Variants in CAMTA1 observed in about 807,000 individuals in gnomAD.
The protein encoded by CAMTA1 is calmodulin-binding transcription activator 1.
A neutral mutation model predicts 170.9 loss-of-function variants in CAMTA1; 27 were observed. That is an observed-to-expected ratio of 0.16 (90% CI 0.12 to 0.22). CAMTA1 has a LOEUF of 0.22. CAMTA1 is among the 10% of genes least tolerant of loss of function. The probability of loss-of-function intolerance (pLI) is 1.00; values close to 1 mark genes in which losing one functional copy is unlikely to be tolerated. For missense variants in CAMTA1, 1,619 were observed against 2,217.2 expected (o/e 0.73, Z 5.42); for synonymous variants, 833 against 891.5 (o/e 0.93, Z 1.17).
intron 5 of CAMTA1, among the ~76,000 whole-genome samples, chr1:7,382,957 C>T (rs2087511799): frequency 6.6e-6 from 1 of 152,164 alleles, no homozygotes; most frequent in African/African-American, 2.4e-5. Context: ...TTTATACAAC[C>T]AGTATCTATT....
intron 4 of CAMTA1, among the ~76,000 whole-genome samples, chr1:7,164,658 G>A (rs1647996601): frequency 6.6e-6 from 1 of 152,240 alleles, no homozygotes; most frequent in African/African-American, 2.4e-5. Context: ...TTGAAAGCCA[G>A]GGAGAAACAG....
chr1:7,183,889 C>G (rs1211471987), intron 4 of CAMTA1, among the ~76,000 whole-genome samples: 2 of 152,132 alleles, frequency 1.3e-5, no homozygotes, highest in Non-Finnish European at 2.9e-5. Context: ...CTAAACAGAG[C>G]TGTTAAAAGG....
chr1:7,180,991 G>T (rs1652038179), intron 4 of CAMTA1, among the ~76,000 whole-genome samples: 1 of 152,182 alleles, frequency 6.6e-6, no homozygotes, highest in Non-Finnish European at 1.5e-5. Flanking sequence ...AAATATTGAA[G>T]TAAAAGTGCT....
intron 5 of CAMTA1, among the ~76,000 whole-genome samples, chr1:7,359,183 C>T (rs2085354064): frequency 6.6e-6 from 1 of 152,184 alleles, no homozygotes; most frequent in South Asian, 2.1e-4. Flanking sequence ...GTCATGGGTA[C>T]CAGGTGACCC....
In CAMTA1 at chr1:7,661,407, G is replaced by A. The variant is rs564984799; in HGVS notation, c.665-319G>A. ...CTTGTTCCCTTTCTCTTCCATTCCA[G>A]CACCCCTGGAAGAGCCGCCTCGTGC... On this transcript the variant is annotated intron_variant, in intron 7 of 22. Transcript: ENST00000303635. Among the ~76,000 whole-genome samples, 3 of 152,252 alleles carry A rather than the reference G, an allele frequency of 2.0e-5. No individual in the cohort carries two copies. In the South Asian group the frequency reaches 6.2e-4, roughly 32 times the overall value.
At position 7,446,432 on chromosome 1, in the gene CAMTA1, C is replaced by T. The variant is rs75027524; in HGVS notation, c.439-21398C>T. Among the ~76,000 whole-genome samples the T allele has an allele frequency of 2.7e-3, 413 of 152,320 alleles. 12 individuals are homozygous for T. The East Asian group carries it at 0.058, about 21-fold the overall frequency. On this transcript the variant is annotated intron_variant, in intron 5 of 22. Coordinates refer to ENST00000303635, the MANE Select transcript of CAMTA1 (RefSeq NM_015215.4). ...TGACTGAGGCTCAGGAAGGGTGATA[C>T]TCTGTCTGGGGCTCTGGTCCCACGG...
intron 3 of CAMTA1, among the ~76,000 whole-genome samples, chr1:6,976,091 T>C (rs1693371766): frequency 6.6e-6 from 1 of 151,966 alleles, no homozygotes; most frequent in Non-Finnish European, 1.5e-5. Context: ...GCTGTTGGAG[T>C]CAGACTTTGA....
intron 3 of CAMTA1, among the ~76,000 whole-genome samples, chr1:6,845,266 G>A (rs756618590): frequency 3.3e-5 from 5 of 152,190 alleles, no homozygotes; most frequent in South Asian, 2.1e-4. Flanking sequence ...TGACAAGGCC[G>A]GCAGTTGGGG....
intron 4 of CAMTA1, among the ~76,000 whole-genome samples, chr1:7,199,651 G>T (rs1168863191): frequency 6.7e-6 from 1 of 149,658 alleles, no homozygotes; most frequent in East Asian, 2.1e-4. Flanking sequence ...TGTGCGCAGG[G>T]AGAGTTTCTC....
In CAMTA1 at chr1:7,137,360, C is replaced by T. The variant is rs191746952; in HGVS notation, c.302+45989C>T. Among the ~76,000 whole-genome samples, 12 of 152,322 alleles carry T rather than the reference C, an allele frequency of 7.9e-5. No homozygotes were observed. The East Asian group carries it at 2.1e-3, about 27-fold the overall frequency. On this transcript the variant is annotated intron_variant, in intron 4 of 22. Coordinates refer to ENST00000303635, the MANE Select transcript of CAMTA1 (RefSeq NM_015215.4). ...AATCGCTGAAAGACCCCCACCAGCTCCTGTTCTACTCAAAGTCTAGAAGAC... is the reference window on the plus strand; with the variant it reads ...AATCGCTGAAAGACCCCCACCAGCTTCTGTTCTACTCAAAGTCTAGAAGAC...
chr1:7,229,980 A>G (rs896739239), intron 4 of CAMTA1, among the ~76,000 whole-genome samples: 3 of 152,066 alleles, frequency 2.0e-5, no homozygotes, highest in African/African-American at 7.2e-5. Context: ...GCTCCAAGGA[A>G]TGACCTGAAG....
At chr1:7,557,681 C>T (rs1257257992) in intron 6 of CAMTA1, among the ~76,000 whole-genome samples, 3 of 152,210 alleles carry the variant, frequency 2.0e-5, no homozygotes, top group Admixed American at 2.0e-4. Flanking sequence ...TCAATTGCTG[C>T]ATATTTACTG....
intron 3 of CAMTA1, among the ~76,000 whole-genome samples, chr1:6,980,501 CGT>C (rs1418895492): frequency 6.6e-6 from 1 of 152,144 alleles, no homozygotes; most frequent in Non-Finnish European, 1.5e-5. Context: ...CCTAGAGGGA[CGT>C]GACTTCTGTT....
intron 5 of CAMTA1, among the ~76,000 whole-genome samples, chr1:7,255,153 G>T (rs1365329008): frequency 3.9e-5 from 6 of 152,182 alleles, no homozygotes; most frequent in Admixed American, 3.9e-4. Context: ...CGGGGGCTAG[G>T]AGAGGGAGAG....
intron 3 of CAMTA1, among the ~76,000 whole-genome samples, chr1:7,058,101 A>G (rs1476761285): frequency 1.3e-5 from 2 of 152,010 alleles, no homozygotes; most frequent in African/African-American, 4.8e-5. Context: ...CTTTCCCCTC[A>G]CACCAGATGG....
chr1:7,516,052 C>T (rs962952707), intron 6 of CAMTA1, among the ~76,000 whole-genome samples: 1 of 152,184 alleles, frequency 6.6e-6, no homozygotes, highest in Admixed American at 6.5e-5. Context: ...CTTCCTGGAC[C>T]GGCCCCCACC....
In CAMTA1 at chr1:7,463,332, G is replaced by C. The variant is rs2093135294; in HGVS notation, c.439-4498G>C. On this transcript the variant is annotated intron_variant, in intron 5 of 22. Transcript: ENST00000303635. This position sits in a 1 kb window ranked among gnomAD's most constrained non-coding sequence, Gnocchi z 4.7. ...GAGACAGGGACAGGCAAGGGAAACA[G>C]AGACAGGGAGAGACAGAGAGACAGA... Among the ~76,000 whole-genome samples, 1 of 152,150 alleles carries C rather than the reference G, an allele frequency of 6.6e-6. No homozygotes were observed. Among genetic ancestry groups the C allele is most frequent in the African/African-American group, 2.4e-5 (1 of 41,414 alleles).
intron 1 of CAMTA1, among the ~76,000 whole-genome samples, chr1:6,788,010 AGGTTGT>A (rs1639912621): frequency 6.6e-6 from 1 of 152,006 alleles, no homozygotes; most frequent in South Asian, 2.1e-4. Context: ...TAATTGAGAG[AGGTTGT>A]GAAATTAGCA....
intron 4 of CAMTA1, among the ~76,000 whole-genome samples, chr1:7,221,362 G>A (rs558608758): frequency 1.3e-3 from 193 of 152,200 alleles, no homozygotes; most frequent in Non-Finnish European, 2.1e-3. Context: ...TGTGAGACTC[G>A]GAGAGTTGGT....
Sources: gnomAD v4.1 joint callset for allele counts (sites outside exome capture counted in the v4.1 genomes callset) on GRCh38, gnomAD v4.1.1 for gene constraint, Gnocchi (gnomAD v3.1) non-coding constraint, MANE v1.5 for transcripts, NCBI Gene and HGNC (gene_info 2026-07-23, HGNC 2026-07-21) for gene names.